Variants in POLR3B observed in about 807,000 individuals in gnomAD.
POLR3B encodes the protein DNA-directed RNA polymerase III subunit RPC2.
Under a neutral mutation model 147.4 loss-of-function variants are expected in POLR3B, and 96 were observed. The ratio of observed to expected loss-of-function variants is 0.65; its 90% CI spans 0.55 to 0.77. POLR3B has a LOEUF of 0.77. POLR3B is among the 30% of genes least tolerant of loss of function. The probability of loss-of-function intolerance (pLI) is 0.00; values close to 1 mark genes in which losing one functional copy is unlikely to be tolerated. For missense variants in POLR3B, 1,036 were observed against 1,413.5 expected (o/e 0.73, Z 4.28); for synonymous variants, 461 against 485.9 (o/e 0.95, Z 0.67).
intron 23 of POLR3B, among the ~76,000 whole-genome samples, chr12:106,466,478 T>C (rs906139435): frequency 5.3e-5 from 8 of 152,226 alleles, no homozygotes; most frequent in Non-Finnish European, 8.8e-5. Context: ...TTTGTCAATT[T>C]TGGCTTTTGT....
chr12:106,486,471 A>C (rs2038341201), intron 23 of POLR3B, among the ~76,000 whole-genome samples: 1 of 151,168 alleles, frequency 6.6e-6, no homozygotes. Context: ...CTTGTATCTT[A>C]CTCTGCTCCT....
In POLR3B at chr12:106,493,367, A is replaced by G. The variant is rs559364738; in HGVS notation, c.2714-2688A>G. ...AAAAGAAACCTTCCCGCTGTGATTA[A>G]GGATTTGAATAATTCTGAAACAGAG... On this transcript the variant is annotated intron_variant, in intron 23 of 27. Transcript: ENST00000228347. Among the ~76,000 whole-genome samples, 36 of 152,336 alleles carry G rather than the reference A, an allele frequency of 2.4e-4. No individual in the cohort carries two copies. The East Asian group carries it at 6.7e-3, about 29-fold the overall frequency.
At chr12:106,467,834 G>C (rs1216163309) in intron 23 of POLR3B, among the ~76,000 whole-genome samples, 1 of 152,156 alleles carries the variant, frequency 6.6e-6, no homozygotes, top group Admixed American at 6.5e-5. Context: ...GCTTTTTGAC[G>C]TGCTGCTGGA....
chr12:106,393,148 A>T lies in POLR3B; in HGVS notation c.841A>T (p.Met281Leu). 6.2e-7 allele frequency: 1 copy of T among 1,614,172 alleles called. No homozygotes were observed. The highest frequency in any genetic ancestry group is 8.5e-7 in the Non-Finnish European group (1 of 1,179,996). The change falls in exon 10 of 28, where the codon ATG becomes TTG. Residue 281 changes from methionine to leucine, a missense_variant. Coordinates refer to ENST00000228347, the MANE Select transcript of POLR3B (RefSeq NM_018082.6). ...CCAGAAAGCTCAGATTTTCACACAG[A>T]TGCAGGTGTGTCTTTTCATGTTGTC... ...ECQKAQIFTQMQALKYIGNKV... is the reference protein window; with the variant it reads ...ECQKAQIFTQLQALKYIGNKV...
chr12:106,496,812 T>G lies in POLR3B; in HGVS notation c.2878T>G (p.Tyr960Asp). Reference protein sequence around the residue: ...KAGVLDGRFHYGTAFGGSKVK... With the variant: ...KAGVLDGRFHDGTAFGGSKVK... Reference sequence around the variant, plus strand: ...CGGTGTGCTGGACGGCAGATTCCACTACGGCACTGCGTTTGGAGGCAGTAA... The same window carrying G: ...CGGTGTGCTGGACGGCAGATTCCACGACGGCACTGCGTTTGGAGGCAGTAA... Residue 960 changes from tyrosine (Y) to aspartate (D), a missense_variant, in exon 25 of 28, where the codon TAC becomes GAC. Transcript: ENST00000228347. 1 of 1,614,124 alleles carries G rather than the reference T, an allele frequency of 6.2e-7. No homozygotes were observed. Among genetic ancestry groups the G allele is most frequent in the Non-Finnish European group, 8.5e-7 (1 of 1,179,992 alleles).
chr12:106,465,805 T>G (rs1259712917), intron 23 of POLR3B, among the ~76,000 whole-genome samples: 1 of 152,260 alleles, frequency 6.6e-6, no homozygotes, highest in African/African-American at 2.4e-5. Flanking sequence ...TCCTTTTTTA[T>G]GGCTGCATAG....
At chr12:106,498,261 C>A (rs2137078736) in intron 25 of POLR3B, among the ~76,000 whole-genome samples, 1 of 152,204 alleles carries the variant, frequency 6.6e-6, no homozygotes, top group Non-Finnish European at 1.5e-5. Flanking sequence ...GTTCAGGGAA[C>A]AGGAAGAGGC....
At chr12:106,415,027 C>G (rs1047001566) in intron 12 of POLR3B, among the ~76,000 whole-genome samples, 1 of 152,170 alleles carries the variant, frequency 6.6e-6, no homozygotes, top group African/African-American at 2.4e-5. Flanking sequence ...TTCCTTCACT[C>G]TACACATCAG....
intron 8 of POLR3B, among the ~76,000 whole-genome samples, chr12:106,378,714 T>C (rs965218125): frequency 2.0e-5 from 3 of 152,158 alleles, no homozygotes; most frequent in African/African-American, 7.2e-5. Context: ...TTTATGCTCC[T>C]TTTCAGCCTT....
intron 18 of POLR3B, among the ~76,000 whole-genome samples, chr12:106,442,004 C>T (rs7297981): frequency 0.036 from 5,427 of 151,484 alleles, 124 homozygotes; most frequent in Middle Eastern, 0.058. Context: ...CACTTGAACC[C>T]GGGAGGCGGA....
intron 10 of POLR3B, among the ~76,000 whole-genome samples, chr12:106,399,986 T>A (rs984231359): frequency 6.6e-6 from 1 of 152,130 alleles, no homozygotes; most frequent in Non-Finnish European, 1.5e-5. Context: ...CATAACGATA[T>A]TAACTTTGAA....
At chr12:106,498,963 A>G (rs1398639677) in intron 25 of POLR3B, among the ~76,000 whole-genome samples, 1 of 152,208 alleles carries the variant, frequency 6.6e-6, no homozygotes, top group Non-Finnish European at 1.5e-5. Context: ...AGTGCTGCAA[A>G]TAGATTCTCC....
intron 12 of POLR3B, among the ~76,000 whole-genome samples, chr12:106,411,629 C>A (rs2037228473): frequency 6.6e-6 from 1 of 151,978 alleles, no homozygotes; most frequent in South Asian, 2.1e-4. Context: ...GTAAGACAGA[C>A]AAAAGCCCCT....
At position 106,406,451 on chromosome 12, in the gene POLR3B, A is replaced by C. The variant is rs191353776; in HGVS notation, c.966+475A>C. Among the ~76,000 whole-genome samples, 6 of 152,354 alleles carry C rather than the reference A, an allele frequency of 3.9e-5. No individual in the cohort carries two copies. The East Asian group carries it at 1.2e-3, about 29-fold the overall frequency. On this transcript the variant is annotated intron_variant, in intron 11 of 27. Transcript: ENST00000228347. Reference sequence around the variant, plus strand: ...TGCGTAACATAAAGTTTACTGTTTTAAGTGTACAATTTTCTGGACTTAAGT... The same window carrying C: ...TGCGTAACATAAAGTTTACTGTTTTCAGTGTACAATTTTCTGGACTTAAGT...
chr12:106,471,202 TC>T (rs1237079203), intron 23 of POLR3B, among the ~76,000 whole-genome samples: 11 of 152,210 alleles, frequency 7.2e-5, no homozygotes, highest in Admixed American at 2.0e-4. Context: ...CACTCCACCA[TC>T]CCAGGTTGAT....
At position 106,406,428 on chromosome 12, in the gene POLR3B, C is replaced by T. The variant is rs188826445; in HGVS notation, c.966+452C>T. Among the ~76,000 whole-genome samples the T allele has an allele frequency of 1.1e-3, 161 of 152,180 alleles. 4 individuals are homozygous for T. The East Asian group carries it at 0.017, about 16-fold the overall frequency. On this transcript the variant is annotated intron_variant, in intron 11 of 27. Transcript: ENST00000228347. ...AAAATATGCTTAATGGTAAAATATG[C>T]GTAACATAAAGTTTACTGTTTTAAG...
chr12:106,393,915 G>A (rs1593015567), intron 10 of POLR3B, among the ~76,000 whole-genome samples: 1 of 152,034 alleles, frequency 6.6e-6, no homozygotes, highest in Non-Finnish European at 1.5e-5. Context: ...ATAAATCAAA[G>A]TTAACATCCC....
At position 106,495,157 on chromosome 12, in the gene POLR3B, A is replaced by G. The variant is rs149044338; in HGVS notation, c.2714-898A>G. Among the ~76,000 whole-genome samples the G allele has an allele frequency of 4.5e-3, 692 of 152,342 alleles. 4 individuals carry two copies. The highest frequency in any genetic ancestry group is 0.016 in the African/African-American group (667 of 41,576). ...TTCTAAATTATGGAGATTATAGTTA[A>G]CAATCTAAATTCTATTCCCATTCCT... On this transcript the variant is annotated intron_variant, in intron 23 of 27. Coordinates refer to ENST00000228347, the MANE Select transcript of POLR3B (RefSeq NM_018082.6).
At chr12:106,377,490 G>A (rs1385054500) in intron 7 of POLR3B, among the ~76,000 whole-genome samples, 1 of 151,958 alleles carries the variant, frequency 6.6e-6, no homozygotes, top group Non-Finnish European at 1.5e-5. Context: ...TGAATTGTGT[G>A]CAAAAAAAAT....
Sources: allele counts gnomAD v4.1 joint callset (sites outside exome capture counted in the v4.1 genomes callset), GRCh38; gene constraint gnomAD v4.1.1; transcripts MANE v1.5; gene names NCBI Gene and HGNC (gene_info 2026-07-23, HGNC 2026-07-21).